Variants in ZNF148 observed in about 807,000 individuals in gnomAD.
The protein encoded by ZNF148 is Beta-Enolase Repressor Factor-1.
A neutral mutation model predicts 67.7 loss-of-function variants in ZNF148; 7 were observed. The ratio of observed to expected loss-of-function variants is 0.10; its 90% CI spans 0.06 to 0.19. ZNF148 has a LOEUF of 0.19. Among genes scored for constraint, ZNF148 ranks in the 10% least tolerant of loss-of-function variants. The probability of loss-of-function intolerance (pLI) is 1.00; values close to 1 mark genes in which losing one functional copy is unlikely to be tolerated. For missense variants in ZNF148, 583 were observed against 947.1 expected, an observed-to-expected ratio of 0.62 and a Z score of 5.05; for synonymous variants, 333 against 330.7, an observed-to-expected ratio of 1.01 and a Z score of -0.08.
chr3:125,326,552 T>G (rs1485489618), intron 2 of ZNF148, among the ~76,000 whole-genome samples: 1 of 150,248 alleles, frequency 6.7e-6, no homozygotes, highest in African/African-American at 2.4e-5. Context: ...CAAAAGGCAA[T>G]AGAGGAAACA....
In ZNF148 at chr3:125,327,883, A is replaced by G. The variant is rs74488870; in HGVS notation, c.-153+3275T>C. 4.5e-3 allele frequency among the ~76,000 whole-genome samples: 693 copies of G among 152,330 alleles called. 13 individuals are homozygous for G. The East Asian group carries it at 0.048, about 10-fold the overall frequency. ...ATACTTAAAATATACAGCTTTAAAT[A>G]TATATTTGAAGAAGAGTCTCATATG... On this transcript the variant is annotated intron_variant, in intron 2 of 8. Coordinates refer to ENST00000360647, the MANE Select transcript of ZNF148 (RefSeq NM_021964.3).
intron 7 of ZNF148, among the ~76,000 whole-genome samples, chr3:125,241,623 T>C (rs1186391094): frequency 6.6e-6 from 1 of 152,224 alleles, no homozygotes; most frequent in Non-Finnish European, 1.5e-5. Flanking sequence ...GCGGATGTTA[T>C]TTATTTTTCA....
chr3:125,344,988 A>G (rs1022550504), intron 1 of ZNF148, among the ~76,000 whole-genome samples: 4 of 152,204 alleles, frequency 2.6e-5, no homozygotes, highest in Admixed American at 2.0e-4. Context: ...AACAAGTTAA[A>G]AGCACAAGAA....
intron 1 of ZNF148, among the ~76,000 whole-genome samples, chr3:125,362,606 G>C (rs1275690530): frequency 6.6e-6 from 1 of 151,070 alleles, no homozygotes; most frequent in African/African-American, 2.4e-5. Context: ...CCAGGCTGGA[G>C]TGCAGTGGTT....
intron 3 of ZNF148, among the ~76,000 whole-genome samples, chr3:125,321,899 A>T (rs146786529): frequency 2.0e-5 from 3 of 152,096 alleles, no homozygotes; most frequent in Admixed American, 2.0e-4. Flanking sequence ...TTTTAATTAC[A>T]TGAGATGGGA....
At chr3:125,342,336 C>G (rs1941762379) in intron 1 of ZNF148, among the ~76,000 whole-genome samples, 1 of 127,720 alleles carries the variant, frequency 7.8e-6, no homozygotes, top group Non-Finnish European at 1.6e-5. Context: ...CATTCAAAAA[C>G]TAAAGACAAA....
intron 1 of ZNF148, among the ~76,000 whole-genome samples, chr3:125,354,443 T>C (rs1382541712): frequency 1.3e-5 from 2 of 152,246 alleles, no homozygotes; most frequent in Non-Finnish European, 2.9e-5. Context: ...AAGAACCCCA[T>C]TGATACTTCT....
intron 6 of ZNF148, 34 bp from the exon 7 acceptor site, chr3:125,277,843 T>C (rs762386254): frequency 6.4e-7 from 1 of 1,565,034 alleles, no homozygotes; most frequent in Non-Finnish European, 8.7e-7. Flanking sequence ...AATTAGTTAC[T>C]GAATAAAACA....
intron 1 of ZNF148, among the ~76,000 whole-genome samples, chr3:125,352,901 A>T (rs553621861): frequency 3.0e-4 from 46 of 152,334 alleles, no homozygotes; most frequent in African/African-American, 1.1e-3. Flanking sequence ...GTGGTACTGG[A>T]GGGAAGGCAG....
At chr3:125,281,446 C>T (rs1938379431) in intron 5 of ZNF148, among the ~76,000 whole-genome samples, 1 of 152,052 alleles carries the variant, frequency 6.6e-6, no homozygotes, top group Admixed American at 6.6e-5. Context: ...CAAGACAGCA[C>T]CAGGTATTTT....
chr3:125,259,121 A>T (rs762362492), intron 7 of ZNF148, among the ~76,000 whole-genome samples: 1 of 152,226 alleles, frequency 6.6e-6, no homozygotes, highest in African/African-American at 2.4e-5. Flanking sequence ...TGGGAAAAAA[A>T]TTGCAAATCA....
At chr3:125,371,463 G>A (rs555453112) in intron 1 of ZNF148, among the ~76,000 whole-genome samples, 25 of 149,536 alleles carry the variant, frequency 1.7e-4, no homozygotes, top group Non-Finnish European at 2.8e-4. Flanking sequence ...TCAGGAGATC[G>A]AGACCATCTA....
chr3:125,324,815 C>T (rs1021134379), intron 2 of ZNF148, among the ~76,000 whole-genome samples: 3 of 152,168 alleles, frequency 2.0e-5, no homozygotes, highest in African/African-American at 7.2e-5. Context: ...AACATTTCAA[C>T]AGTTTATATA....
In ZNF148 at chr3:125,233,183, C is replaced by T. The variant is rs2107831230; in HGVS notation, c.1543G>A (p.Ala515Thr). ...AGTGCCTGTGACTCTAATATGGATG[C>T]CGTGGTACTTTCATCAATGACACTT... The part of the protein sequence containing the change: ...VASVIDESTT[A>T]SILESQALNV... Residue 515 changes from alanine (A) to threonine (T), a missense_variant, in exon 9 of 9, where the codon GCA becomes ACA. Physicochemically the swap from Ala to Thr is moderately conservative, Grantham distance 58. Coordinates refer to ENST00000360647, the MANE Select transcript of ZNF148 (RefSeq NM_021964.3). This position sits in a 1 kb window ranked among gnomAD's most constrained non-coding sequence, Gnocchi z 5.1. 6.2e-7 allele frequency: 1 copy of T among 1,613,852 alleles called. No homozygotes were observed. The highest frequency in any genetic ancestry group is 8.5e-7 in the Non-Finnish European group (1 of 1,179,888).
At chr3:125,271,384 C>G (rs899307982) in intron 7 of ZNF148, among the ~76,000 whole-genome samples, 10 of 152,214 alleles carry the variant, frequency 6.6e-5, no homozygotes, top group African/African-American at 2.4e-4. Flanking sequence ...TTCGTTTCAG[C>G]GAAGCGTAGA....
intron 7 of ZNF148, among the ~76,000 whole-genome samples, chr3:125,275,623 G>A (rs755646466): frequency 1.3e-5 from 2 of 152,282 alleles, no homozygotes; most frequent in Middle Eastern, 3.4e-3. Flanking sequence ...AGATTAATGT[G>A]AGGACTAAAT....
intron 7 of ZNF148, among the ~76,000 whole-genome samples, chr3:125,237,031 A>G (rs1231394159): frequency 6.6e-6 from 1 of 152,232 alleles, no homozygotes; most frequent in African/African-American, 2.4e-5. Flanking sequence ...TTTGGAAGTG[A>G]AAGAAATGAG....
chr3:125,286,765 T>C (rs979094658), intron 5 of ZNF148, among the ~76,000 whole-genome samples: 3 of 152,212 alleles, frequency 2.0e-5, no homozygotes, highest in Admixed American at 2.0e-4. Flanking sequence ...TAATTTATTC[T>C]ATATTATACC....
intron 7 of ZNF148, among the ~76,000 whole-genome samples, chr3:125,261,510 C>A (rs1205038666): frequency 6.6e-6 from 1 of 151,900 alleles, no homozygotes; most frequent in East Asian, 1.9e-4. Flanking sequence ...TAAATGTTGA[C>A]AATTTAAATT....
Sources: gnomAD v4.1 joint callset for allele counts (sites outside exome capture counted in the v4.1 genomes callset) on GRCh38, gnomAD v4.1.1 for gene constraint, Gnocchi (gnomAD v3.1) non-coding constraint, MANE v1.5 for transcripts, NCBI Gene and HGNC (gene_info 2026-07-23, HGNC 2026-07-21) for gene names.